Variants in RNF150 observed in about 807,000 individuals in gnomAD.
RNF150 encodes the protein ring finger protein 150.
In RNF150, 24 loss-of-function variants were observed where a neutral mutation model predicts 39.3. That is an observed-to-expected ratio of 0.61 (90% CI 0.44 to 0.86). The LOEUF is 0.86. RNF150 is among the 40% of genes least tolerant of loss of function. The probability of loss-of-function intolerance (pLI) is 0.00; values close to 1 mark genes in which losing one functional copy is unlikely to be tolerated. For synonymous variants in RNF150, 255 were observed against 227.3 expected, an observed-to-expected ratio of 1.12 and a Z score of -1.10; for missense variants, 502 against 587.8, an observed-to-expected ratio of 0.85 and a Z score of 1.51.
intron 1 of RNF150, among the ~76,000 whole-genome samples, chr4:141,153,867 C>A (rs1049033185): frequency 1.3e-5 from 2 of 152,114 alleles, no homozygotes; most frequent in East Asian, 3.9e-4. Context: ...AGGTATGCAG[C>A]AGTGAGCATA....
chr4:141,008,665 T>A (rs994700506), intron 1 of RNF150, among the ~76,000 whole-genome samples: 3 of 152,190 alleles, frequency 2.0e-5, no homozygotes, highest in African/African-American at 7.2e-5. Context: ...ATTCCATTCT[T>A]TCTCCTCTGT....
At chr4:140,980,378 C>A (rs1320935446) in intron 1 of RNF150, among the ~76,000 whole-genome samples, 1 of 151,924 alleles carries the variant, frequency 6.6e-6, no homozygotes, top group Non-Finnish European at 1.5e-5. Context: ...ATGGCAAGAA[C>A]CTAGAATTAC....
At chr4:141,200,442 T>C (rs369787277) in intron 1 of RNF150, among the ~76,000 whole-genome samples, 1 of 151,886 alleles carries the variant, frequency 6.6e-6, no homozygotes, top group Admixed American at 6.6e-5. Context: ...TACTATCACA[T>C]TGGGATACAG....
chr4:141,059,316 A>ATTTGGTCTT (rs1560714654), intron 1 of RNF150, among the ~76,000 whole-genome samples: 1 of 152,070 alleles, frequency 6.6e-6, no homozygotes, highest in African/African-American at 2.4e-5. Flanking sequence ...CCAGATACAC[A>ATTTGGTCTT]TTCCAATGAT....
rs907216809 is a variant in RNF150 at position 141,132,634 on chromosome 4, C to G, written c.175G>C (p.Ala59Pro). ...AGCTCCGCGCCGCCGCCGCCCGCCG[C>G]CCCGGCCCCGGGGTCCGGCGCGGGC... The part of the protein sequence containing the change: ...AEPAPDPGAG[A>P]AGGGGAELHT... Residue 59 changes from alanine to proline, a missense_variant, in exon 1 of 7, where the codon GCG becomes CCG. Ala to Pro is a conservative substitution (Grantham distance 27, BLOSUM62 -1). Coordinates refer to ENST00000515673, the MANE Select transcript of RNF150 (RefSeq NM_020724.2). The surrounding 1 kb of genome is among the most constrained non-coding windows in gnomAD (Gnocchi z 4.9). 1.3e-6 allele frequency: 2 copies of G among 1,582,694 alleles called. No homozygotes were observed. Among genetic ancestry groups the G allele is most frequent in the Admixed American group, 3.7e-5 (2 of 54,086 alleles).
At chr4:141,092,138 G>A (rs966676313) in intron 1 of RNF150, among the ~76,000 whole-genome samples, 1 of 152,188 alleles carries the variant, frequency 6.6e-6, no homozygotes, top group Non-Finnish European at 1.5e-5. Context: ...GAGGTCAGGA[G>A]TTAGAGACCA....
intron 6 of RNF150, among the ~76,000 whole-genome samples, chr4:140,881,309 T>C (rs1351705746): frequency 1.3e-5 from 2 of 152,166 alleles, no homozygotes; most frequent in African/African-American, 2.4e-5. Context: ...ACTAGAGGCA[T>C]ACATTATCAC....
chr4:141,038,377 G>C (rs1199438087), intron 1 of RNF150, among the ~76,000 whole-genome samples: 1 of 152,032 alleles, frequency 6.6e-6, no homozygotes, highest in Non-Finnish European at 1.5e-5. Context: ...CTTCTTCTGG[G>C]CGTCGAGTAA....
chr4:140,870,738 A>G (rs1471715415), intron 6 of RNF150, among the ~76,000 whole-genome samples: 1 of 152,130 alleles, frequency 6.6e-6, no homozygotes, highest in Non-Finnish European at 1.5e-5. Flanking sequence ...AGCCAGATGC[A>G]GGGGCTTGCT....
intron 1 of RNF150, among the ~76,000 whole-genome samples, chr4:141,035,615 C>T (rs1335790765): frequency 1.3e-5 from 2 of 152,108 alleles, no homozygotes; most frequent in South Asian, 4.1e-4. Flanking sequence ...TCATTAATAA[C>T]CCTGCTGAAG....
At chr4:141,123,925 C>A (rs1048260888) in intron 1 of RNF150, among the ~76,000 whole-genome samples, 3 of 152,128 alleles carry the variant, frequency 2.0e-5, no homozygotes, top group African/African-American at 7.2e-5. Context: ...TGTGTATGTG[C>A]CACATTTTCT....
chr4:141,104,516 C>T (rs1277690270), intron 1 of RNF150, among the ~76,000 whole-genome samples: 2 of 152,080 alleles, frequency 1.3e-5, no homozygotes, highest in African/African-American at 4.8e-5. Context: ...TAGATTTTAC[C>T]TTTGCATCCC....
chr4:141,171,982 T>C (rs896930370), intron 1 of RNF150, among the ~76,000 whole-genome samples: 1 of 152,222 alleles, frequency 6.6e-6, no homozygotes, highest in African/African-American at 2.4e-5. Context: ...TATGCTCTTT[T>C]ATAATACCGC....
At chr4:140,988,623 T>A (rs573584984) in intron 1 of RNF150, among the ~76,000 whole-genome samples, 23 of 152,162 alleles carry the variant, frequency 1.5e-4, no homozygotes, top group Non-Finnish European at 1.5e-5. Flanking sequence ...TATCTCCTAA[T>A]GCTATCCCTC....
chr4:141,155,290 G>GT (rs751751426), intron 1 of RNF150, among the ~76,000 whole-genome samples: 2 of 136,204 alleles, frequency 1.5e-5, no homozygotes, highest in East Asian at 4.6e-4. Context: ...GTAGAGGCAG[G>GT]TTTCACTATG....
chr4:140,993,025 G>C (rs886779539), intron 1 of RNF150, among the ~76,000 whole-genome samples: 1 of 152,036 alleles, frequency 6.6e-6, no homozygotes, highest in Non-Finnish European at 1.5e-5. Flanking sequence ...CTCGGGAGTC[G>C]CTCATCCTCC....
chr4:141,174,325 C>T (rs1727774247), intron 1 of RNF150, among the ~76,000 whole-genome samples: 1 of 152,130 alleles, frequency 6.6e-6, no homozygotes, highest in Non-Finnish European at 1.5e-5. Flanking sequence ...ACACCCTCAT[C>T]AACCACAGTG....
chr4:141,002,024 T>C (rs1734684876), intron 1 of RNF150, among the ~76,000 whole-genome samples: 1 of 152,166 alleles, frequency 6.6e-6, no homozygotes, highest in South Asian at 2.1e-4. Context: ...TGTGTATGTA[T>C]ATATGTATAT....
Position 140,911,368 on chromosome 4 carries a change from A to G in RNF150, c.988-14T>C, listed in dbSNP as rs753709891. 1.9e-6 allele frequency: 3 copies of G among 1,611,254 alleles called. No individual in the cohort carries two copies. Among genetic ancestry groups the G allele is most frequent in the Admixed American group, 3.3e-5 (2 of 59,986 alleles). ...GTCGGCATTGGGCTGATGGGGCAGA[A>G]AAAGATCTGTTCTCAGTACATGTCA... is the stretch of plus-strand genomic sequence containing the variant. On this transcript the variant is annotated splice_polypyrimidine_tract_variant and intron_variant, in intron 5 of 6. Transcript: ENST00000515673.
Sources: gnomAD v4.1 joint callset for allele counts (sites outside exome capture counted in the v4.1 genomes callset) on GRCh38, gnomAD v4.1.1 for gene constraint, Gnocchi (gnomAD v3.1) non-coding constraint, MANE v1.5 for transcripts, NCBI Gene and HGNC (gene_info 2026-07-23, HGNC 2026-07-21) for gene names.